BTBD9: variants seen among roughly 807,000 people sequenced by gnomAD.
The protein encoded by BTBD9 is BTB/POZ domain-containing protein 9.
BTBD9 carries 49 observed loss-of-function variants against 64.3 expected under a neutral mutation model. That is an observed-to-expected ratio of 0.76 (90% CI 0.61 to 0.97). The LOEUF is 0.97. Ranked by LOEUF, BTBD9 falls within the 50% of genes least tolerant of loss-of-function variation. The probability of loss-of-function intolerance (pLI) is 0.00; values close to 1 mark genes in which losing one functional copy is unlikely to be tolerated. For synonymous variants in BTBD9, 260 were observed against 274.7 expected, an observed-to-expected ratio of 0.95 and a Z score of 0.53; for missense variants, 598 against 762.1, an observed-to-expected ratio of 0.78 and a Z score of 2.53.
At chr6:38,242,928 T>G (rs566537164) in intron 9 of BTBD9, among the ~76,000 whole-genome samples, 1 of 152,314 alleles carries the variant, frequency 6.6e-6, no homozygotes, top group East Asian at 1.9e-4. Context: ...AAACAGTAAA[T>G]GTATCAAGTT....
At chr6:38,426,571 A>G (rs1229203257) in intron 6 of BTBD9, among the ~76,000 whole-genome samples, 1 of 151,798 alleles carries the variant, frequency 6.6e-6, no homozygotes, top group Non-Finnish European at 1.5e-5. Flanking sequence ...GCTGACTTCC[A>G]TTCTTCCGGA....
chr6:38,413,493 G>A (rs1767528321), intron 6 of BTBD9, among the ~76,000 whole-genome samples: 1 of 152,132 alleles, frequency 6.6e-6, no homozygotes, highest in Non-Finnish European at 1.5e-5. Flanking sequence ...CCTCTAGTTT[G>A]CAAGGCCTGT....
chr6:38,621,889 C>G (rs1033793840), intron 1 of BTBD9, among the ~76,000 whole-genome samples: 20 of 152,178 alleles, frequency 1.3e-4, no homozygotes, highest in Non-Finnish European at 2.9e-4. Context: ...ATGGAAGGAC[C>G]CTTGGTATGG....
intron 6 of BTBD9, among the ~76,000 whole-genome samples, chr6:38,572,119 C>T (rs565909828): frequency 6.6e-6 from 1 of 152,248 alleles, no homozygotes; most frequent in South Asian, 2.1e-4. Context: ...TCTCCCCTGA[C>T]TTCTGTTACT....
At chr6:38,237,841 T>TTA (rs1554130918) in intron 9 of BTBD9, among the ~76,000 whole-genome samples, 25 of 149,868 alleles carry the variant, frequency 1.7e-4, no homozygotes, top group Non-Finnish European at 2.8e-4. Flanking sequence ...TCCAATGTTT[T>TTA]AAAAAAAAAA....
chr6:38,254,707 A>C (rs1277135077), intron 9 of BTBD9, among the ~76,000 whole-genome samples: 1 of 152,224 alleles, frequency 6.6e-6, no homozygotes, highest in African/African-American at 2.4e-5. Context: ...GAAAACCATA[A>C]TGATATGCTA....
At chr6:38,397,807 A>G (rs1288764386) in intron 6 of BTBD9, among the ~76,000 whole-genome samples, 2 of 152,254 alleles carry the variant, frequency 1.3e-5, no homozygotes, top group Non-Finnish European at 2.9e-5. Context: ...GATAGGGCTG[A>G]GGGGTTAGTT....
chr6:38,597,874 T>C (rs1402596437), intron 2 of BTBD9, 36 bp downstream of exon 2: 1 of 1,583,016 alleles, frequency 6.3e-7, no homozygotes, highest in Non-Finnish European at 8.6e-7. Context: ...TTTCTACAAG[T>C]GAACTAAATT....
intron 8 of BTBD9, among the ~76,000 whole-genome samples, chr6:38,272,547 C>A (rs1433016667): frequency 1.3e-5 from 2 of 152,122 alleles, no homozygotes; most frequent in Non-Finnish European, 2.9e-5. Context: ...CTGTTAAACA[C>A]GTTCTTCTCA....
intron 10 of BTBD9, among the ~76,000 whole-genome samples, chr6:38,189,089 C>T (rs1761941459): frequency 6.6e-6 from 1 of 152,218 alleles, no homozygotes; most frequent in Admixed American, 6.5e-5. Flanking sequence ...CCAGGCCACG[C>T]TCCATAGTGA....
chr6:38,304,420 C>A (rs758629656), intron 7 of BTBD9, among the ~76,000 whole-genome samples: 2 of 151,988 alleles, frequency 1.3e-5, no homozygotes, highest in African/African-American at 2.4e-5. Context: ...GTGGCGGTCA[C>A]CTGTAATCCC....
intron 6 of BTBD9, among the ~76,000 whole-genome samples, chr6:38,524,444 G>T (rs1022348492): frequency 1.3e-5 from 2 of 152,134 alleles, no homozygotes; most frequent in African/African-American, 4.8e-5. Flanking sequence ...AAATGGATTA[G>T]TATTAGAACA....
chr6:38,555,522 T>C (rs529195937), intron 6 of BTBD9, among the ~76,000 whole-genome samples: 1 of 152,354 alleles, frequency 6.6e-6, no homozygotes, highest in East Asian at 1.9e-4. Flanking sequence ...AATGCAACTA[T>C]GTGCTAACCA....
intron 6 of BTBD9, among the ~76,000 whole-genome samples, chr6:38,367,813 A>AAC (rs1765241550): frequency 9.9e-6 from 1 of 100,712 alleles, no homozygotes; most frequent in African/African-American, 3.6e-5. Context: ...AAAAAAAAAA[A>AAC]AAAAAAAAAA....
rs561375705 is a variant in BTBD9, at chr6:38,421,574, T to C, written c.1155-76481A>G. 2.0e-3 allele frequency among the ~76,000 whole-genome samples: 305 copies of C among 152,370 alleles called. 1 individual carries two copies. The highest frequency in any genetic ancestry group is 3.6e-3 in the Non-Finnish European group (247 of 68,038). ...CATCTCAAAGACAGGCTTCCGTATA[T>C]TGGCCTCAGGATAAAAGCACATGGA... On this transcript the variant is annotated intron_variant, in intron 6 of 10. Coordinates refer to ENST00000481247, the MANE Select transcript of BTBD9 (RefSeq NM_001099272.2).
intron 6 of BTBD9, among the ~76,000 whole-genome samples, chr6:38,548,094 T>A (rs767351829): frequency 6.6e-6 from 1 of 152,242 alleles, no homozygotes; most frequent in Non-Finnish European, 1.5e-5. Context: ...TTATTTTTTA[T>A]ACTCATTTAG....
chr6:38,473,424 T>A (rs1032613361), intron 6 of BTBD9, among the ~76,000 whole-genome samples: 10 of 152,244 alleles, frequency 6.6e-5, no homozygotes, highest in Non-Finnish European at 1.5e-4. Flanking sequence ...TCCACATGCC[T>A]AAAATTGGAT....
At chr6:38,198,074 A>T (rs927303478) in intron 9 of BTBD9, among the ~76,000 whole-genome samples, 1 of 152,258 alleles carries the variant, frequency 6.6e-6, no homozygotes, top group Non-Finnish European at 1.5e-5. Flanking sequence ...AATAGGGTCA[A>T]TTCTGGGGAT....
chr6:38,205,531 T>C (rs1428283306), intron 9 of BTBD9, among the ~76,000 whole-genome samples: 1 of 152,132 alleles, frequency 6.6e-6, no homozygotes, highest in Non-Finnish European at 1.5e-5. Context: ...CCTCTCTTTG[T>C]ATTTATGCGA....
Sources: gnomAD v4.1 joint callset for allele counts (sites outside exome capture counted in the v4.1 genomes callset) on GRCh38, gnomAD v4.1.1 for gene constraint, MANE v1.5 for transcripts, NCBI Gene and HGNC (gene_info 2026-07-23, HGNC 2026-07-21) for gene names.